The following SMYD1 variants were observed in gnomAD, a reference collection of about 807,000 sequenced individuals.
The protein encoded by SMYD1 is SET and MYND domain containing 1, also known as histone-lysine N-methyltransferase SMYD1.
SMYD1 carries 49 observed loss-of-function variants against 54.0 expected under a neutral mutation model. The ratio of observed to expected loss-of-function variants is 0.91; its 90% CI spans 0.72 to 1.15. The LOEUF (loss-of-function observed/expected upper bound fraction) is 1.15, where lower values mean the gene tolerates loss of function less well. Among genes scored for constraint, SMYD1 ranks in the 50% most tolerant of loss-of-function variants. SMYD1 has a pLI of 0.00. For synonymous variants in SMYD1, 269 were observed against 234.2 expected (o/e 1.15, Z -1.36); for missense variants, 653 against 639.6 (o/e 1.02, Z -0.23).
chr2:88,112,399 C>G lies in SMYD1; in HGVS notation c.*1887C>G, dbSNP rs988637482. The G allele has an allele frequency of 4.4e-5, 22 of 505,552 alleles. No individual in the cohort carries two copies. Among genetic ancestry groups the G allele is most frequent in the Admixed American group, 2.6e-4 (8 of 30,698 alleles). The allele number at this position is 505,552 out of a possible 1,614,324, so 31.3% of individuals were successfully genotyped here. On this transcript the variant is annotated 3_prime_UTR_variant, in exon 10 of 10. Coordinates refer to ENST00000419482, the MANE Select transcript of SMYD1 (RefSeq NM_198274.4). ...CTCTCAGACCACTGGAATGCAAGTC[C>G]TTCTTCCCTTTGGAATGTACTCTGG...
At position 88,102,191 on chromosome 2, in the gene SMYD1, CA is replaced by C. The variant is rs912807248; in HGVS notation, c.889-857del. Among the ~76,000 whole-genome samples the C allele has an allele frequency of 7.4e-3, 1,086 of 146,444 alleles. 12 individuals carry two copies. The highest frequency in any genetic ancestry group is 0.025 in the African/African-American group (1,000 of 39,984). On this transcript the variant is annotated intron_variant, in intron 6 of 9. Coordinates refer to ENST00000419482, the MANE Select transcript of SMYD1 (RefSeq NM_198274.4). ...GAAAGTTATAAAAGATTTGCTTAAG[CA>C]AAAAAAAAATGTTTCAGAAAAGGAC...
At chr2:88,110,200 A>AGAGAGTGTGTGTGT (rs139694354) in intron 9 of SMYD1, among the ~76,000 whole-genome samples, 154 bp from the exon 10 acceptor site, 3 of 138,988 alleles carry the variant, frequency 2.2e-5, no homozygotes, top group South Asian at 4.8e-4. Context: ...TTGATGAATG[A>AGAGAGTGTGTGTGT]GTGTGTGTGT....
chr2:88,110,187 C>T (rs1041975653), intron 9 of SMYD1, among the ~76,000 whole-genome samples, 167 bp from the exon 10 acceptor site: 3 of 117,544 alleles, frequency 2.6e-5, no homozygotes, highest in Non-Finnish European at 3.6e-5. Flanking sequence ...GGACATTAGG[C>T]CCTTGATGAA....
intron 3 of SMYD1, among the ~76,000 whole-genome samples, chr2:88,089,583 C>CTCTTTTTTTTTTTTTTTTTTTT (rs1481581789): frequency 1.7e-5 from 2 of 114,992 alleles, no homozygotes; most frequent in Non-Finnish European, 3.5e-5. Context: ...GAGCTTCTAC[C>CTCTTTTTTTTTTTTTTTTTTTT]TGTTTTTTTT....
chr2:88,070,262 C>A (rs1231413082), intron 1 of SMYD1, among the ~76,000 whole-genome samples: 1 of 152,038 alleles, frequency 6.6e-6, no homozygotes, highest in African/African-American at 2.4e-5. Flanking sequence ...GAGGCTCAGC[C>A]ACCATAGATG....
rs775335073 is a variant in SMYD1, at chr2:88,091,045, A to G, written c.562A>G (p.Arg188Gly). The part of the protein sequence containing the change: ...NCNGFTLSDQ[R>G]GLQAVGVGIF... The stretch of plus-strand genomic sequence containing the variant: ...CAACGGTTTTACTCTCAGTGATCAG[A>G]GAGGCCTGCAGGCCGTGGGCGTAGG... Residue 188 changes from arginine (R) to glycine (G), a missense_variant, in exon 4 of 10, where the codon AGA (arginine) becomes GGA (glycine). Physicochemically the swap from Arg to Gly is moderately radical, Grantham distance 125. Transcript: ENST00000419482. The G allele has an allele frequency of 8.7e-6, 14 of 1,614,102 alleles. No individual in the cohort carries two copies. Among genetic ancestry groups the G allele is most frequent in the African/African-American group, 2.7e-5 (2 of 75,038 alleles).
intron 3 of SMYD1, among the ~76,000 whole-genome samples, chr2:88,089,285 A>T (rs1229584038): frequency 1.3e-5 from 2 of 152,214 alleles, no homozygotes; most frequent in Non-Finnish European, 2.9e-5. Context: ...CCACCAATTT[A>T]AATGTGAATC....
In SMYD1 at chr2:88,073,173, T is replaced by C. The variant is rs111257676; in HGVS notation, c.137+5172T>C. On this transcript the variant is annotated intron_variant, in intron 1 of 9. Transcript: ENST00000419482. The stretch of plus-strand genomic sequence containing the variant: ...GAAAACATGTTATTTGGTTTTCTGT[T>C]TCTGCATTAATTTGCTTAGGAGAAT... Among the ~76,000 whole-genome samples, 137 of 152,354 alleles carry C rather than the reference T, an allele frequency of 9.0e-4. 1 individual carries two copies. The highest frequency in any genetic ancestry group is 3.1e-3 in the African/African-American group (128 of 41,578).
chr2:88,102,669 G>A (rs1319985004), intron 6 of SMYD1, among the ~76,000 whole-genome samples: 2 of 152,220 alleles, frequency 1.3e-5, no homozygotes, highest in African/African-American at 2.4e-5. Flanking sequence ...ATGTAAGGAT[G>A]TACCTGTGGA....
chr2:88,070,121 GT>G (rs34016460), intron 1 of SMYD1, among the ~76,000 whole-genome samples: 137,479 of 151,914 alleles, frequency 0.9, 62,389 homozygotes, highest in East Asian at 1. Context: ...AAAAGAGATA[GT>G]TTTTTTTTCA....
In SMYD1 at chr2:88,110,655, C is replaced by T; in HGVS notation, c.*143C>T. On this transcript the variant is annotated 3_prime_UTR_variant, in exon 10 of 10. Coordinates refer to ENST00000419482, the MANE Select transcript of SMYD1 (RefSeq NM_198274.4). ...TGTGAGAATTTACTGCCCTATGTTTCCCAGAGCCATTTTGGCTCAATTCAA... is the reference window on the plus strand; with the variant it reads ...TGTGAGAATTTACTGCCCTATGTTTTCCAGAGCCATTTTGGCTCAATTCAA... 2 of 1,082,550 alleles carry T rather than the reference C, an allele frequency of 1.8e-6. No homozygotes were observed. Among genetic ancestry groups the T allele is most frequent in the Non-Finnish European group, 1.3e-6 (1 of 789,468 alleles). 67.1% of individuals were successfully genotyped at this position (1,082,550 alleles called of 1,614,324 possible).
intron 7 of SMYD1, among the ~76,000 whole-genome samples, chr2:88,105,377 A>ATG (rs111374804): frequency 6.8e-6 from 1 of 146,716 alleles, no homozygotes; most frequent in African/African-American, 2.6e-5. Context: ...GCATGCATAT[A>ATG]TACACACACA....
chr2:88,081,812 A>G (rs1674203373), intron 1 of SMYD1, among the ~76,000 whole-genome samples: 1 of 151,832 alleles, frequency 6.6e-6, no homozygotes, highest in Non-Finnish European at 1.5e-5. Flanking sequence ...GCAAGTGTAC[A>G]TGGCACCACA....
intron 1 of SMYD1, among the ~76,000 whole-genome samples, chr2:88,077,712 G>A (rs1206318148): frequency 2.6e-5 from 4 of 151,060 alleles, no homozygotes; most frequent in Admixed American, 1.3e-4. Flanking sequence ...CAGGGGAGGG[G>A]TGGGCATTTC....
At position 88,112,414 on chromosome 2, in the gene SMYD1, A is replaced by T. The variant is rs1228218279; in HGVS notation, c.*1902A>T. On this transcript the variant is annotated 3_prime_UTR_variant, in exon 10 of 10. Transcript: ENST00000419482. ...AATGCAAGTCCTTCTTCCCTTTGGA[A>T]TGTACTCTGGATCCCTTCCCCTGCT... The T allele has an allele frequency of 2.1e-6, 1 of 479,252 alleles. No homozygotes were observed. Among genetic ancestry groups the T allele is most frequent in the Admixed American group, 3.4e-5 (1 of 29,668 alleles). 29.7% of individuals were successfully genotyped at this position (479,252 alleles called of 1,614,324 possible). A position where few individuals can be genotyped will look rare whatever the true frequency, so the allele number is the denominator to read the frequency against.
chr2:88,101,728 C>T (rs1358700328), intron 6 of SMYD1, among the ~76,000 whole-genome samples: 3 of 152,146 alleles, frequency 2.0e-5, no homozygotes. Flanking sequence ...GCCTCAGCCT[C>T]CCTAGTAGCT....
At chr2:88,099,274 C>T (rs1674667781) in intron 6 of SMYD1, among the ~76,000 whole-genome samples, 1 of 151,850 alleles carries the variant, frequency 6.6e-6, no homozygotes, top group Non-Finnish European at 1.5e-5. Flanking sequence ...TTTGTAGAGA[C>T]GGGGTTTCAC....
chr2:88,101,687 C>A (rs1231954306), intron 6 of SMYD1, among the ~76,000 whole-genome samples: 3 of 151,188 alleles, frequency 2.0e-5, no homozygotes, highest in Non-Finnish European at 4.4e-5. Flanking sequence ...CTCACTGCAA[C>A]CTCCGCTTCC....
At chr2:88,108,915 G>A (rs1301036911) in intron 9 of SMYD1, among the ~76,000 whole-genome samples, 1 of 152,132 alleles carries the variant, frequency 6.6e-6, no homozygotes, top group Non-Finnish European at 1.5e-5. Context: ...AGAGGTGCCA[G>A]GCTTTTTTCA....
Sources: gnomAD v4.1 joint callset for allele counts (sites outside exome capture counted in the v4.1 genomes callset) on GRCh38, gnomAD v4.1.1 for gene constraint, MANE v1.5 for transcripts, NCBI Gene and HGNC (gene_info 2026-07-23, HGNC 2026-07-21) for gene names.